TRIM37: variants seen among roughly 807,000 people sequenced by gnomAD.
TRIM37 encodes the protein tripartite motif containing 37.
TRIM37 carries 80 observed loss-of-function variants against 129.8 expected under a neutral mutation model. The observed-to-expected ratio is 0.62, with a 90% CI of 0.51 to 0.74. The LOEUF is 0.74. Ranked by LOEUF, TRIM37 falls within the 30% of genes least tolerant of loss-of-function variation. The pLI is 0.00. For missense variants in TRIM37, 1,054 were observed against 1,176.5 expected, an observed-to-expected ratio of 0.90 and a Z score of 1.52; for synonymous variants, 389 against 387.1, an observed-to-expected ratio of 1.00 and a Z score of -0.06.
chr17:59,006,502 T>C (rs2034499205), intron 22 of TRIM37, among the ~76,000 whole-genome samples: 1 of 152,194 alleles, frequency 6.6e-6, no homozygotes, highest in Admixed American at 6.5e-5. Context: ...TTTATCTGCC[T>C]TTCTCCTTTC....
intron 19 of TRIM37, 102 bp downstream of exon 19, chr17:59,028,313 T>C: frequency 9.0e-7 from 1 of 1,114,930 alleles, no homozygotes; most frequent in Non-Finnish European, 1.3e-6. Context: ...TAGTCTTAAC[T>C]CACTGGAAGA....
At chr17:59,079,178 C>T (rs1325157395) in intron 7 of TRIM37, among the ~76,000 whole-genome samples, 1 of 151,878 alleles carries the variant, frequency 6.6e-6, no homozygotes, top group African/African-American at 2.4e-5. Flanking sequence ...ATCACCAAAA[C>T]AAATCAAACA....
At chr17:59,036,292 A>C (rs1048237923) in intron 17 of TRIM37, among the ~76,000 whole-genome samples, 1 of 152,134 alleles carries the variant, frequency 6.6e-6, no homozygotes, top group Non-Finnish European at 1.5e-5. Flanking sequence ...TTCTTATGAG[A>C]ACTGCTTTTA....
At chr17:58,970,057 A>G in the TRIM37 span, among the ~76,000 whole-genome samples, 1 of 152,154 alleles carries the variant, frequency 6.6e-6, no homozygotes, top group Non-Finnish European at 1.5e-5. Context: ...CTCTAAGCAG[A>G]CTCTTGCTGA....
intron 22 of TRIM37, among the ~76,000 whole-genome samples, chr17:59,009,825 C>G (rs965793529): frequency 6.6e-6 from 1 of 152,134 alleles, no homozygotes; most frequent in African/African-American, 2.4e-5. Flanking sequence ...ACCTGTAAAA[C>G]TAGGTTAACA....
chr17:59,062,406 C>G (rs2041569617), intron 11 of TRIM37, among the ~76,000 whole-genome samples, 161 bp downstream of exon 11: 2 of 152,056 alleles, frequency 1.3e-5, no homozygotes, highest in African/African-American at 4.8e-5. Flanking sequence ...GACAAACAAA[C>G]AGTTGTCTAA....
At chr17:59,012,494 T>C (rs752594679) in intron 21 of TRIM37, 48 bp from the exon 22 acceptor site, 4 of 1,260,036 alleles carry the variant, frequency 3.2e-6, no homozygotes, top group Non-Finnish European at 4.6e-6. Context: ...AGTGACACAA[T>C]AATCTATATT....
At chr17:59,098,481 A>G (rs1467773134) in intron 2 of TRIM37, among the ~76,000 whole-genome samples, 2 of 152,126 alleles carry the variant, frequency 1.3e-5, no homozygotes, top group East Asian at 3.9e-4. Context: ...CTTTGGCAAC[A>G]AAGTAAAACC....
chr17:59,060,998 C>A, intron 12 of TRIM37, 34 bp downstream of exon 12: 3 of 1,537,458 alleles, frequency 2.0e-6, no homozygotes, highest in South Asian at 1.1e-5. Context: ...TATGTAAATG[C>A]ACATTAAGGT....
intron 1 of TRIM37, among the ~76,000 whole-genome samples, chr17:59,104,676 G>C (rs867629801): frequency 2.0e-5 from 3 of 152,144 alleles, no homozygotes; most frequent in Non-Finnish European, 2.9e-5. Context: ...ATAATGGCAA[G>C]AATCTAGGTA....
intron 2 of TRIM37, among the ~76,000 whole-genome samples, chr17:59,101,693 TATACAC>T (rs1364634798): frequency 3.0e-4 from 35 of 118,598 alleles, no homozygotes; most frequent in South Asian, 1.1e-3. Context: ...TATATATATA[TATACAC>T]ACACACACAC....
intron 8 of TRIM37, among the ~76,000 whole-genome samples, chr17:59,074,978 A>G (rs2042679087): frequency 6.6e-6 from 1 of 152,218 alleles, no homozygotes; most frequent in South Asian, 2.1e-4. Context: ...AAAAATGCTA[A>G]ATTTTAGAGT....
chr17:58,984,079 A>G (rs2031570754), intron 24 of TRIM37: 1 of 152,662 alleles, frequency 6.6e-6, no homozygotes, highest in Non-Finnish European at 1.5e-5. Context: ...GTAGAAACAC[A>G]TATGTATATA....
At chr17:58,983,458 C>T (rs1340107479) in intron 24 of TRIM37, 1 of 152,652 alleles carries the variant, frequency 6.6e-6, no homozygotes, top group African/African-American at 2.4e-5. Context: ...TCTCTTAACG[C>T]CACTGGTGAT....
intron 1 of TRIM37, 67 bp from the exon 2 acceptor site, chr17:59,104,461 C>T: frequency 7.5e-7 from 1 of 1,332,506 alleles, no homozygotes. Flanking sequence ...AAGGCAAGCT[C>T]AAAACAACTT....
intron 17 of TRIM37, among the ~76,000 whole-genome samples, chr17:59,034,509 A>C (rs1967414): frequency 6.6e-6 from 1 of 151,564 alleles, no homozygotes; most frequent in South Asian, 2.1e-4. Flanking sequence ...ACAGGCATGC[A>C]GCACCATGCC....
chr17:59,012,244 A>AC, intron 22 of TRIM37, 84 bp downstream of exon 22: 2 of 852,366 alleles, frequency 2.3e-6, no homozygotes, highest in Middle Eastern at 2.3e-4. Context: ...CACCACCACC[A>AC]CCACCACCAC....
chr17:59,036,447 G>GTGTGTGTGTGTGTGTGT (rs2038497208), intron 17 of TRIM37, among the ~76,000 whole-genome samples: 3 of 140,582 alleles, frequency 2.1e-5, no homozygotes, highest in African/African-American at 8.2e-5. Flanking sequence ...ATTTGCTGGG[G>GTGTGTGTGTGTGTGTGT]GTGTGTGTGT....
chr17:59,042,624 G>C (rs887748149), intron 16 of TRIM37, among the ~76,000 whole-genome samples: 1 of 151,116 alleles, frequency 6.6e-6, no homozygotes, highest in African/African-American at 2.4e-5. Context: ...TTAGCTGGGC[G>C]TTGTGGTGGG....
Sources: gnomAD v4.1 joint callset for allele counts (sites outside exome capture counted in the v4.1 genomes callset) on GRCh38, gnomAD v4.1.1 for gene constraint, MANE v1.5 for transcripts, NCBI Gene and HGNC (gene_info 2026-07-23, HGNC 2026-07-21) for gene names.